Variants in CACNA1A observed in about 807,000 individuals in gnomAD.
CACNA1A encodes voltage-dependent P/Q-type calcium channel subunit alpha-1A.
A neutral mutation model predicts 262.4 loss-of-function variants in CACNA1A; 57 were observed. The ratio of observed to expected loss-of-function variants is 0.22; its 90% confidence interval spans 0.18 to 0.27. The LOEUF (loss-of-function observed/expected upper bound fraction) is 0.27, where lower values mean the gene tolerates loss of function less well. CACNA1A is among the 10% of genes least tolerant of loss of function. The pLI, the probability that CACNA1A is intolerant of heterozygous loss-of-function variation, is 1.00. For missense variants in CACNA1A, 2,526 were observed against 3,562.8 expected (o/e 0.71, Z 7.41); for synonymous variants, 1,431 against 1,419.3 (o/e 1.01, Z -0.18).
At chr19:13,258,861 A>C (rs1454602854) in intron 27 of CACNA1A, 2 of 152,132 alleles carry the variant, frequency 1.3e-5, no homozygotes, top group African/African-American at 4.8e-5. Flanking sequence ...TAATCAAGAT[A>C]ATCTTTTGCT....
At chr19:13,392,146 G>A (rs2059721605) in intron 3 of CACNA1A, among the ~76,000 whole-genome samples, 1 of 152,048 alleles carries the variant, frequency 6.6e-6, no homozygotes, top group Admixed American at 6.6e-5. Context: ...AGGAGGTTGA[G>A]GCTACAGTGA....
intron 3 of CACNA1A, among the ~76,000 whole-genome samples, chr19:13,413,461 A>ACT (rs544231899): frequency 7.3e-4 from 110 of 150,628 alleles, no homozygotes; most frequent in Middle Eastern, 3.5e-3. Flanking sequence ...AGTCCCAGCT[A>ACT]CTAGGGAGGC....
chr19:13,256,898 G>A (rs944723262), intron 28 of CACNA1A: 3 of 155,976 alleles, frequency 1.9e-5, no homozygotes, highest in African/African-American at 7.2e-5. Context: ...GATGAAATGT[G>A]AGCAGAAGTG....
At chr19:13,319,629 G>A (rs964970331) in intron 10 of CACNA1A, among the ~76,000 whole-genome samples, 16 of 152,166 alleles carry the variant, frequency 1.1e-4, no homozygotes, top group African/African-American at 2.4e-4. Context: ...GGGCCATACC[G>A]ACTCATACTG....
At chr19:13,328,059 T>G (rs558965358) in intron 10 of CACNA1A, among the ~76,000 whole-genome samples, 1 of 152,148 alleles carries the variant, frequency 6.6e-6, no homozygotes, top group African/African-American at 2.4e-5. Flanking sequence ...CCATAATGCC[T>G]GGCTAAGTTT....
intron 25 of CACNA1A, chr19:13,262,531 A>AT (rs1447226765): frequency 4.3e-5 from 24 of 557,948 alleles, no homozygotes; most frequent in African/African-American, 3.6e-4. Flanking sequence ...AAAAACTGCC[A>AT]TAATACACAG....
chr19:13,471,787 G>A (rs2061350822), intron 1 of CACNA1A, among the ~76,000 whole-genome samples: 1 of 152,174 alleles, frequency 6.6e-6, no homozygotes, highest in South Asian at 2.1e-4. Context: ...GGGGATACCG[G>A]GAGGGGAGGA....
At chr19:13,271,630 T>C (rs899259647) in intron 24 of CACNA1A, 5 of 152,190 alleles carry the variant, frequency 3.3e-5, no homozygotes, top group Non-Finnish European at 7.3e-5. Flanking sequence ...AGAAACAGCA[T>C]GTTGTAAACG....
rs141015914 is a variant in CACNA1A, at chr19:13,331,495, C to T, written c.1256-1162G>A. ...CAAGTGATCCACCCGCCTTGGCCTCCCAAAGTGCTGGGATTACAGGCATGA... is the reference window on the plus strand; with the variant it reads ...CAAGTGATCCACCCGCCTTGGCCTCTCAAAGTGCTGGGATTACAGGCATGA... On this transcript the variant is annotated intron_variant, in intron 9 of 46. Transcript: ENST00000360228. Among the ~76,000 whole-genome samples the T allele has an allele frequency of 5.2e-3, 796 of 152,208 alleles. 47 individuals carry two copies. In the East Asian group the frequency reaches 0.14, roughly 26 times the overall value.
chr19:13,313,570 C>T (rs951782748), intron 11 of CACNA1A, among the ~76,000 whole-genome samples: 2 of 150,438 alleles, frequency 1.3e-5, no homozygotes, highest in African/African-American at 4.9e-5. Flanking sequence ...CAACCTTAGG[C>T]CGATTTTAAA....
At chr19:13,406,509 A>ATTTGTATG (rs1555781831) in intron 3 of CACNA1A, among the ~76,000 whole-genome samples, 1 of 109,658 alleles carries the variant, frequency 9.1e-6, no homozygotes, top group Non-Finnish European at 1.9e-5. Context: ...ATATATATAT[A>ATTTGTATG]TATGAAGGGA....
At chr19:13,230,821 AAGAGAG>A (rs548134311) in intron 35 of CACNA1A, among the ~76,000 whole-genome samples, 2 of 151,278 alleles carry the variant, frequency 1.3e-5, no homozygotes, top group African/African-American at 4.9e-5. Flanking sequence ...AAAAAAAAAA[AAGAGAG>A]AGAGAGACAA....
At chr19:13,311,882 A>T (rs1042319868) in intron 12 of CACNA1A, among the ~76,000 whole-genome samples, 3 of 152,180 alleles carry the variant, frequency 2.0e-5, no homozygotes, top group Non-Finnish European at 2.9e-5. Flanking sequence ...TAAATAAATT[A>T]TTAAGCCTTT....
At chr19:13,351,234 G>A (rs1278396758) in intron 6 of CACNA1A, among the ~76,000 whole-genome samples, 1 of 152,222 alleles carries the variant, frequency 6.6e-6, no homozygotes, top group African/African-American at 2.4e-5. Context: ...TCCTGGGGCA[G>A]TGGGGAGTGA....
At chr19:13,368,907 G>T (rs916251003) in intron 4 of CACNA1A, among the ~76,000 whole-genome samples, 5 of 143,318 alleles carry the variant, frequency 3.5e-5, no homozygotes, top group African/African-American at 5.9e-5. Flanking sequence ...GCGTGGTAGC[G>T]GGCGCCTGTA....
chr19:13,270,416 G>T (rs910611767), intron 24 of CACNA1A, among the ~76,000 whole-genome samples: 3 of 119,410 alleles, frequency 2.5e-5, no homozygotes, highest in South Asian at 3.2e-4. Flanking sequence ...GGTGGGGGGT[G>T]GGGGGCGGGT....
chr19:13,222,811 C>T (rs1391498394), intron 38 of CACNA1A, among the ~76,000 whole-genome samples: 3 of 151,692 alleles, frequency 2.0e-5, no homozygotes, highest in Admixed American at 6.6e-5. Flanking sequence ...TCTCCTGCCT[C>T]AGCCTCCGGA....
intron 38 of CACNA1A, among the ~76,000 whole-genome samples, chr19:13,223,294 A>G (rs2055305348): frequency 6.6e-6 from 1 of 152,100 alleles, no homozygotes; most frequent in East Asian, 1.9e-4. Flanking sequence ...CCCAGGTTCA[A>G]GCGATTCTTC....
chr19:13,261,597 C>T lies in CACNA1A; in HGVS notation c.4103G>A (p.Cys1368Tyr). Residue 1368 changes from cysteine (C) to tyrosine (Y), a missense_variant, in exon 26 of 47, where the codon TGT becomes TAT. Coordinates refer to ENST00000360228, the MANE Select transcript of CACNA1A (RefSeq NM_001127222.2). Reference sequence around the variant, plus strand: ...GACGTTTTTAAGTGAGTTCACCACACAGTCAAACACAGCCTGTGGGGTGGA... The same window carrying T: ...GACGTTTTTAAGTGAGTTCACCACATAGTCAAACACAGCCTGTGGGGTGGA... ...RLPKLKAVFD[C>Y]VVNSLKNVFN... 1 of 1,608,680 alleles carries T rather than the reference C, an allele frequency of 6.2e-7. No individual in the cohort carries two copies. Among genetic ancestry groups the T allele is most frequent in the East Asian group, 2.2e-5 (1 of 44,748 alleles).
Sources: gnomAD v4.1 joint callset for allele counts (sites outside exome capture counted in the v4.1 genomes callset) on GRCh38, gnomAD v4.1.1 for gene constraint, MANE v1.5 for transcripts, NCBI Gene and HGNC (gene_info 2026-07-23, HGNC 2026-07-21) for gene names.